Variants in NRXN3 observed in about 807,000 individuals in gnomAD.
NRXN3 encodes the protein neurexin III.
A neutral mutation model predicts 137.6 loss-of-function variants in NRXN3; 32 were observed. The ratio of observed to expected loss-of-function variants is 0.23; its 90% confidence interval spans 0.18 to 0.31. NRXN3 has a LOEUF of 0.31. NRXN3 is among the 10% of genes least tolerant of loss of function. The pLI is 1.00. For synonymous variants in NRXN3, 798 were observed against 784.5 expected (o/e 1.02, Z -0.29); for missense variants, 1,574 against 2,062.5 (o/e 0.76, Z 4.59).
At chr14:79,362,821 C>T (rs2093733590) in intron 15 of NRXN3, among the ~76,000 whole-genome samples, 1 of 152,126 alleles carries the variant, frequency 6.6e-6, no homozygotes. Context: ...TTTACTCTGA[C>T]CAGATTACTG....
chr14:78,810,260 C>G, intron 9 of NRXN3, 58 bp from the exon 10 acceptor site: 1 of 1,074,810 alleles, frequency 9.3e-7, no homozygotes, highest in East Asian at 2.5e-5. Context: ...TTTTGGATGT[C>G]TGCAGCTGTT....
chr14:79,829,178 A>C (rs2099315119), intron 20 of NRXN3, among the ~76,000 whole-genome samples: 1 of 152,194 alleles, frequency 6.6e-6, no homozygotes, highest in African/African-American at 2.4e-5. Flanking sequence ...TTGTGTGCTT[A>C]CAGTTAGAAT....
chr14:79,075,857 T>G (rs2045883947), intron 15 of NRXN3, among the ~76,000 whole-genome samples: 1 of 152,202 alleles, frequency 6.6e-6, no homozygotes, highest in African/African-American at 2.4e-5. Flanking sequence ...TTCCCATACC[T>G]TAACTAGTTT....
chr14:79,713,182 T>G (rs2154053944), intron 19 of NRXN3, among the ~76,000 whole-genome samples: 1 of 146,836 alleles, frequency 6.8e-6, no homozygotes, highest in Admixed American at 6.8e-5. Context: ...TTTTTTTTTT[T>G]TTTTTTTTAC....
chr14:78,903,489 G>A (rs2099204412), intron 10 of NRXN3, among the ~76,000 whole-genome samples: 1 of 151,992 alleles, frequency 6.6e-6, no homozygotes, highest in African/African-American at 2.4e-5. Flanking sequence ...TGGTGCAGGT[G>A]CGTAAGACAT....
chr14:78,643,459 G>A (rs1189679711), intron 4 of NRXN3, among the ~76,000 whole-genome samples: 1 of 152,176 alleles, frequency 6.6e-6, no homozygotes, highest in East Asian at 1.9e-4. Context: ...AGGCTATCTG[G>A]CAAGAAGACA....
chr14:78,914,416 C>T (rs1047062206), intron 10 of NRXN3, among the ~76,000 whole-genome samples: 4 of 152,158 alleles, frequency 2.6e-5, no homozygotes, highest in South Asian at 4.2e-4. Context: ...GTGATAAGTT[C>T]GTTGGGGAGA....
intron 1 of NRXN3, among the ~76,000 whole-genome samples, chr14:78,194,979 G>A (rs2061094320): frequency 6.6e-6 from 1 of 152,196 alleles, no homozygotes; most frequent in African/African-American, 2.4e-5. Flanking sequence ...GATCCTGGGA[G>A]GCTCTCTTGC....
At position 78,651,567 on chromosome 14, in the gene NRXN3, A is replaced by G. The variant is rs550356843; in HGVS notation, c.1221+241A>G. On this transcript the variant is annotated intron_variant, in intron 6 of 20. Transcript: ENST00000335750. ...CTGTTTGCATGCTGCTGATAAAGAC[A>G]TACCCAAGACTGGGTAATTTATAAA... Among the ~76,000 whole-genome samples the G allele has an allele frequency of 2.0e-4, 31 of 152,336 alleles. 1 individual carries two copies. In the South Asian group the frequency reaches 6.4e-3, roughly 32 times the overall value.
At chr14:79,387,035 G>C (rs1164333010) in intron 15 of NRXN3, among the ~76,000 whole-genome samples, 2 of 152,088 alleles carry the variant, frequency 1.3e-5, no homozygotes, top group African/African-American at 2.4e-5. Context: ...TCAGGACATA[G>C]GCATGGGCAA....
At chr14:78,778,728 T>TTCTTTCTTTCTTTCTTTCTC (rs1245682728) in intron 8 of NRXN3, among the ~76,000 whole-genome samples, 1 of 134,672 alleles carries the variant, frequency 7.4e-6, no homozygotes, top group Non-Finnish European at 1.6e-5. Flanking sequence ...CTTTCTTTCT[T>TTCTTTCTTTCTTTCTTTCTC]TCTCTCTCTC....
At chr14:79,351,401 T>G (rs137925517) in intron 15 of NRXN3, among the ~76,000 whole-genome samples, 48 of 152,328 alleles carry the variant, frequency 3.2e-4, no homozygotes, top group African/African-American at 1.1e-3. Flanking sequence ...TAAAGATCTC[T>G]TCCAGATTCA....
At chr14:78,190,474 G>A (rs1410071528) in intron 1 of NRXN3, among the ~76,000 whole-genome samples, 1 of 152,146 alleles carries the variant, frequency 6.6e-6, no homozygotes, top group Non-Finnish European at 1.5e-5. Context: ...ATTTCTTCTC[G>A]GGAGAGGATT....
chr14:78,589,663 T>C (rs1159716109), intron 4 of NRXN3, among the ~76,000 whole-genome samples: 1 of 152,186 alleles, frequency 6.6e-6, no homozygotes, highest in Non-Finnish European at 1.5e-5. Context: ...ATTGTCTGCA[T>C]CTTGGGGGAA....
chr14:78,997,877 A>G (rs1375149062), intron 15 of NRXN3, among the ~76,000 whole-genome samples: 1 of 152,200 alleles, frequency 6.6e-6, no homozygotes. Context: ...TGGAGTATAT[A>G]TAAATGGAAT....
intron 6 of NRXN3, among the ~76,000 whole-genome samples, chr14:78,656,009 CCTT>C (rs1288763563): frequency 6.6e-6 from 1 of 152,130 alleles, no homozygotes; most frequent in Non-Finnish European, 1.5e-5. Flanking sequence ...CATGACCTGA[CCTT>C]CATGACCTCC....
At chr14:79,394,412 C>G (rs1407000851) in intron 15 of NRXN3, among the ~76,000 whole-genome samples, 1 of 152,128 alleles carries the variant, frequency 6.6e-6, no homozygotes, top group East Asian at 1.9e-4. Flanking sequence ...TATTAAAGTC[C>G]TTAGAATTGA....
intron 10 of NRXN3, among the ~76,000 whole-genome samples, chr14:78,828,991 T>A (rs181057854): frequency 1.3e-5 from 2 of 152,284 alleles, no homozygotes; most frequent in East Asian, 3.9e-4. Flanking sequence ...GATACTTGAA[T>A]GATGAGAAGG....
At chr14:79,850,352 C>T (rs1465000555) in intron 20 of NRXN3, among the ~76,000 whole-genome samples, 3 of 152,124 alleles carry the variant, frequency 2.0e-5, no homozygotes, top group African/African-American at 4.8e-5. Flanking sequence ...TTGGGCCTCA[C>T]CTCTATACAC....
Sources: allele counts gnomAD v4.1 joint callset (sites outside exome capture counted in the v4.1 genomes callset), GRCh38; gene constraint gnomAD v4.1.1; transcripts MANE v1.5; gene names NCBI Gene and HGNC (gene_info 2026-07-23, HGNC 2026-07-21).